Variants in ST6GALNAC5 observed in about 807,000 individuals in gnomAD.
The protein encoded by ST6GALNAC5 is ST6 N-acetylgalactosaminide alpha-2,6-sialyltransferase 5, also known as alpha-N-acetylgalactosaminide alpha-2,6-sialyltransferase 5.
A neutral mutation model predicts 33.6 loss-of-function variants in ST6GALNAC5; 27 were observed. The ratio of observed to expected loss-of-function variants is 0.80; its 90% CI spans 0.59 to 1.11. The LOEUF is 1.11. Among genes scored for constraint, ST6GALNAC5 ranks in the 50% least tolerant of loss-of-function variants. ST6GALNAC5 has a pLI of 0.00. For missense variants in ST6GALNAC5, 428 were observed against 454.0 expected, an observed-to-expected ratio of 0.94 and a Z score of 0.52; for synonymous variants, 194 against 171.2, an observed-to-expected ratio of 1.13 and a Z score of -1.04.
At chr1:76,950,449 C>A (rs913505564) in intron 2 of ST6GALNAC5, among the ~76,000 whole-genome samples, 6 of 152,070 alleles carry the variant, frequency 3.9e-5, no homozygotes, top group African/African-American at 1.4e-4. Context: ...TGGTGACATA[C>A]AGCTCAGTTG....
chr1:76,927,103 C>T (rs1289346214), intron 2 of ST6GALNAC5, among the ~76,000 whole-genome samples: 1 of 151,856 alleles, frequency 6.6e-6, no homozygotes, highest in Non-Finnish European at 1.5e-5. Flanking sequence ...TGTTATTTGT[C>T]TTTTGATTTA....
intron 2 of ST6GALNAC5, among the ~76,000 whole-genome samples, chr1:76,939,817 T>C (rs1647286809): frequency 1.3e-5 from 2 of 152,142 alleles, no homozygotes; most frequent in Admixed American, 6.6e-5. Flanking sequence ...AGTTGCTTCC[T>C]TTATGGAACT....
At chr1:77,018,947 C>G (rs1277166264) in intron 2 of ST6GALNAC5, among the ~76,000 whole-genome samples, 2 of 152,206 alleles carry the variant, frequency 1.3e-5, no homozygotes, top group Admixed American at 6.5e-5. Context: ...GAGTCAGAGA[C>G]AGGGGCTGAG....
At chr1:77,052,666 C>A (rs925965874) in intron 4 of ST6GALNAC5, among the ~76,000 whole-genome samples, 2 of 151,898 alleles carry the variant, frequency 1.3e-5, no homozygotes, top group African/African-American at 4.8e-5. Flanking sequence ...CAACTATAAT[C>A]CCAGCACTTT....
chr1:76,950,488 G>T (rs1263343614), intron 2 of ST6GALNAC5, among the ~76,000 whole-genome samples: 2 of 152,072 alleles, frequency 1.3e-5, no homozygotes, highest in Admixed American at 6.6e-5. Context: ...TTAAGTGCTT[G>T]TCATGAGCAG....
intron 2 of ST6GALNAC5, among the ~76,000 whole-genome samples, chr1:76,886,267 A>T (rs972279914): frequency 6.6e-6 from 1 of 151,914 alleles, no homozygotes; most frequent in Non-Finnish European, 1.5e-5. Context: ...TCTTATTTTA[A>T]CCCAACTTAC....
chr1:76,905,141 CTTG>C (rs1646852888), intron 2 of ST6GALNAC5, among the ~76,000 whole-genome samples: 1 of 152,238 alleles, frequency 6.6e-6, no homozygotes, highest in South Asian at 2.1e-4. Flanking sequence ...ACTAAATACC[CTTG>C]TTGTTGTTTA....
At position 77,024,594 on chromosome 1, in the gene ST6GALNAC5, G is replaced by C. The variant is rs1295139291; in HGVS notation, c.262-19610G>C. Among the ~76,000 whole-genome samples the C allele has an allele frequency of 3.9e-5, 6 of 152,182 alleles. No homozygotes were observed. The East Asian group carries it at 7.7e-4, about 20-fold the overall frequency. ...CTGGGGAGCATCTCACCTCTGCCTA[G>C]CACTGTGTGCTCTGGATGGCCAGGG... On this transcript the variant is annotated intron_variant, in intron 2 of 4. Coordinates refer to ENST00000477717, the MANE Select transcript of ST6GALNAC5 (RefSeq NM_030965.3).
intron 2 of ST6GALNAC5, among the ~76,000 whole-genome samples, chr1:76,909,625 T>C (rs913283388): frequency 2.0e-5 from 3 of 152,022 alleles, no homozygotes; most frequent in Non-Finnish European, 4.4e-5. Context: ...CTTCCCAACT[T>C]TTATATTAAG....
intron 2 of ST6GALNAC5, among the ~76,000 whole-genome samples, chr1:76,915,242 G>T (rs898222059): frequency 3.3e-5 from 5 of 151,464 alleles, no homozygotes; most frequent in African/African-American, 7.3e-5. Context: ...TACACTGTTG[G>T]TGGGACTGTA....
chr1:76,903,219 G>C (rs1188181196), intron 2 of ST6GALNAC5, among the ~76,000 whole-genome samples: 3 of 152,074 alleles, frequency 2.0e-5, no homozygotes, highest in African/African-American at 7.2e-5. Context: ...ATTTTAAAAT[G>C]GGCAAAGAAT....
At chr1:77,024,221 G>C (rs953992072) in intron 2 of ST6GALNAC5, among the ~76,000 whole-genome samples, 2 of 152,198 alleles carry the variant, frequency 1.3e-5, no homozygotes, top group Admixed American at 1.3e-4. Context: ...ATTGGCTGCA[G>C]TTGTAATTTT....
At chr1:76,978,215 C>T (rs1016725507) in intron 2 of ST6GALNAC5, among the ~76,000 whole-genome samples, 2 of 152,148 alleles carry the variant, frequency 1.3e-5, no homozygotes, top group African/African-American at 4.8e-5. Context: ...ACATATTCTG[C>T]ATATTAACCC....
At chr1:76,905,397 C>G (rs906278779) in intron 2 of ST6GALNAC5, among the ~76,000 whole-genome samples, 3 of 152,152 alleles carry the variant, frequency 2.0e-5, no homozygotes, top group African/African-American at 7.2e-5. Context: ...TGTGGTCATT[C>G]CCTGCTGCAT....
chr1:76,986,929 A>G (rs960509844), intron 2 of ST6GALNAC5, among the ~76,000 whole-genome samples: 5 of 152,208 alleles, frequency 3.3e-5, no homozygotes, highest in Non-Finnish European at 5.9e-5. Flanking sequence ...AGAAATCCAA[A>G]CACCACATGT....
At chr1:76,870,789 A>G (rs193284629) in intron 2 of ST6GALNAC5, among the ~76,000 whole-genome samples, 12 of 152,340 alleles carry the variant, frequency 7.9e-5, no homozygotes, top group South Asian at 2.1e-4. Context: ...ATGAATATCA[A>G]TGAAATTATC....
chr1:77,011,555 T>TA (rs1317228611), intron 2 of ST6GALNAC5, among the ~76,000 whole-genome samples: 2 of 152,222 alleles, frequency 1.3e-5, no homozygotes, highest in Non-Finnish European at 2.9e-5. Flanking sequence ...TTTACAAGGT[T>TA]ATACTTTAGA....
At chr1:77,050,508 A>T in intron 4 of ST6GALNAC5, 143 bp downstream of exon 4, 4 of 676,824 alleles carry the variant, frequency 5.9e-6, no homozygotes, top group Non-Finnish European at 9.8e-6. Context: ...CATTCTAGAA[A>T]CAACAAACAG....
At chr1:76,976,559 T>C (rs1043229251) in intron 2 of ST6GALNAC5, among the ~76,000 whole-genome samples, 2 of 152,214 alleles carry the variant, frequency 1.3e-5, no homozygotes, top group Admixed American at 6.5e-5. Flanking sequence ...GTTGTTTTTC[T>C]TGTTCATTGA....
Sources: gnomAD v4.1 joint callset for allele counts (sites outside exome capture counted in the v4.1 genomes callset) on GRCh38, gnomAD v4.1.1 for gene constraint, MANE v1.5 for transcripts, NCBI Gene and HGNC (gene_info 2026-07-23, HGNC 2026-07-21) for gene names.